The following ADD3 variants were observed in gnomAD, a reference collection of about 807,000 sequenced individuals.
ADD3 encodes adducin 3, also known as gamma-adducin.
ADD3 carries 25 observed loss-of-function variants against 80.2 expected under a neutral mutation model. The ratio of observed to expected loss-of-function variants is 0.31; its 90% confidence interval spans 0.23 to 0.44. The LOEUF (loss-of-function observed/expected upper bound fraction) is 0.44, where lower values mean the gene tolerates loss of function less well. ADD3 is among the 20% of genes least tolerant of loss of function. The probability of loss-of-function intolerance (pLI) is 1.00; values close to 1 mark genes in which losing one functional copy is unlikely to be tolerated. For synonymous variants in ADD3, 284 were observed against 289.6 expected, an observed-to-expected ratio of 0.98 and a Z score of 0.20; for missense variants, 829 against 847.5, an observed-to-expected ratio of 0.98 and a Z score of 0.27.
chr10:110,078,124 T>C (rs1386629578), intron 1 of ADD3, among the ~76,000 whole-genome samples: 2 of 152,240 alleles, frequency 1.3e-5, no homozygotes, highest in South Asian at 4.1e-4. Flanking sequence ...TCCTTTTTAC[T>C]TGGTAGTAAT....
rs923781271 is a variant in ADD3, at chr10:110,031,690, C to CT, written c.-30+23392dup. Among the ~76,000 whole-genome samples, 120 of 151,834 alleles carry CT rather than the reference C, an allele frequency of 7.9e-4. 1 individual carries two copies. The highest frequency in any genetic ancestry group is 2.8e-3 in the African/African-American group (116 of 41,412). Reference sequence around the variant, plus strand: ...TGGATGACTTTAATGCGCCACCCTCCTACCCTATCTGGTACCTAGTGAGTG... The same window carrying CT: ...TGGATGACTTTAATGCGCCACCCTCCTTACCCTATCTGGTACCTAGTGAGTG... On this transcript the variant is annotated intron_variant, in intron 1 of 14. Coordinates refer to ENST00000356080, the MANE Select transcript of ADD3 (RefSeq NM_016824.5).
rs921561811 is a variant in ADD3 at position 110,116,467 on chromosome 10, T to C, written c.486+57T>C. The stretch of plus-strand genomic sequence containing the variant: ...AAAAATTCCAGCTAGAAGGCAACTA[T>C]ACTCTTCTTACCTTTACCTGGAAGT... On this transcript the variant is annotated intron_variant, in intron 4 of 14. Transcript: ENST00000356080. 3.8e-6 allele frequency: 6 copies of C among 1,563,858 alleles called. No individual in the cohort carries two copies. In the African/African-American group the frequency reaches 6.8e-5, roughly 18 times the overall value.
At chr10:110,105,759 A>T (rs1407668157) in intron 2 of ADD3, among the ~76,000 whole-genome samples, 1 of 152,218 alleles carries the variant, frequency 6.6e-6, no homozygotes, top group African/African-American at 2.4e-5. Flanking sequence ...TTAGGATATC[A>T]CTGGAAGTAA....
chr10:110,015,292 A>G (rs180915781), intron 1 of ADD3, among the ~76,000 whole-genome samples: 2 of 152,266 alleles, frequency 1.3e-5, no homozygotes, highest in East Asian at 3.9e-4. Context: ...AGTACACATT[A>G]TCAATGAATT....
At chr10:110,066,386 G>T (rs1211671204) in intron 1 of ADD3, among the ~76,000 whole-genome samples, 1 of 152,202 alleles carries the variant, frequency 6.6e-6, no homozygotes, top group Non-Finnish European at 1.5e-5. Flanking sequence ...ACAGGTGTGT[G>T]CCACCATGCC....
intron 1 of ADD3, among the ~76,000 whole-genome samples, chr10:110,093,049 G>A (rs1157469897): frequency 6.6e-6 from 1 of 152,074 alleles, no homozygotes; most frequent in Non-Finnish European, 1.5e-5. Context: ...AGTAGAGATG[G>A]GGTTTCACCA....
chr10:110,014,039 TC>T (rs1852636289), intron 1 of ADD3, among the ~76,000 whole-genome samples: 1 of 152,224 alleles, frequency 6.6e-6, no homozygotes, highest in Admixed American at 6.5e-5. Context: ...CATCCTATCA[TC>T]TTTTGATTTG....
intron 1 of ADD3, among the ~76,000 whole-genome samples, chr10:110,039,453 A>T (rs1437161096): frequency 6.6e-6 from 1 of 152,180 alleles, no homozygotes; most frequent in Admixed American, 6.5e-5. Flanking sequence ...AGCCACCTGG[A>T]TATAATCTAG....
intron 1 of ADD3, among the ~76,000 whole-genome samples, chr10:110,018,923 G>C (rs999841092): frequency 3.3e-5 from 5 of 152,088 alleles, no homozygotes; most frequent in African/African-American, 4.8e-5. Context: ...TGCTTTTATA[G>C]GAATATCCTT....
chr10:110,088,920 T>G lies in ADD3; in HGVS notation c.-29-11705T>G, dbSNP rs1847134491. On this transcript the variant is annotated intron_variant, in intron 1 of 14. Coordinates refer to ENST00000356080, the MANE Select transcript of ADD3 (RefSeq NM_016824.5). The stretch of plus-strand genomic sequence containing the variant: ...ACAAATCAGTTTCCTAGACTAGCCT[T>G]TTCAATGCATATTTATTTTGCAGAC... Among the ~76,000 whole-genome samples, 5 of 152,344 alleles carry G rather than the reference T, an allele frequency of 3.3e-5. No individual in the cohort carries two copies. The South Asian group carries it at 1.0e-3, about 32-fold the overall frequency.
chr10:110,100,887 T>C (rs772284791), intron 2 of ADD3, 39 bp downstream of exon 2: 2 of 1,528,464 alleles, frequency 1.3e-6, no homozygotes, highest in Non-Finnish European at 1.8e-6. Context: ...TCTCCCTCTT[T>C]GGAAATGTTA....
chr10:110,104,556 TAAAC>T (rs1312125188), intron 2 of ADD3, among the ~76,000 whole-genome samples: 1 of 152,214 alleles, frequency 6.6e-6, no homozygotes, highest in Non-Finnish European at 1.5e-5. Flanking sequence ...TTCACTCTGT[TAAAC>T]AAAATCCATA....
chr10:110,106,207 G>A (rs1172891721), intron 2 of ADD3, among the ~76,000 whole-genome samples: 2 of 150,822 alleles, frequency 1.3e-5, no homozygotes, highest in East Asian at 3.9e-4. Context: ...ACATCCAGAT[G>A]TGGATATTTA....
At chr10:110,004,881 G>A (rs1851568323), upstream of ADD3, among the ~76,000 whole-genome samples, 1 of 152,032 alleles carries the variant, frequency 6.6e-6, no homozygotes, top group Non-Finnish European at 1.5e-5. Context: ...AGATTCTCAG[G>A]TGGACACGAC....
chr10:110,129,083 C>T (rs868246823), intron 12 of ADD3, among the ~76,000 whole-genome samples: 1 of 151,862 alleles, frequency 6.6e-6, no homozygotes. Flanking sequence ...CAGTTTCCAA[C>T]CATCATTCTA....
chr10:110,036,664 G>A (rs1225129842), intron 1 of ADD3, among the ~76,000 whole-genome samples: 4 of 151,864 alleles, frequency 2.6e-5, no homozygotes, highest in East Asian at 3.9e-4. Flanking sequence ...GAGCCACCAC[G>A]CCCAGCCTTC....
chr10:110,060,678 TG>T (rs1295084246), intron 1 of ADD3, among the ~76,000 whole-genome samples: 2 of 152,238 alleles, frequency 1.3e-5, no homozygotes, highest in Non-Finnish European at 2.9e-5. Flanking sequence ...TTTTGCACTC[TG>T]TCTGAGCCTA....
At chr10:110,013,183 A>G (rs552400889) in intron 1 of ADD3, among the ~76,000 whole-genome samples, 1 of 152,170 alleles carries the variant, frequency 6.6e-6, no homozygotes, top group African/African-American at 2.4e-5. Context: ...GCACACTGCA[A>G]CCTCTGCCTT....
chr10:110,020,665 A>G (rs1426791921), intron 1 of ADD3, among the ~76,000 whole-genome samples: 1 of 152,232 alleles, frequency 6.6e-6, no homozygotes, highest in South Asian at 2.1e-4. Context: ...AGACTAGACC[A>G]TAGTGAGCAA....
Sources: allele counts gnomAD v4.1 joint callset (sites outside exome capture counted in the v4.1 genomes callset), GRCh38; gene constraint gnomAD v4.1.1; transcripts MANE v1.5; gene names NCBI Gene and HGNC (gene_info 2026-07-23, HGNC 2026-07-21).